The following RBM41 variants were observed in gnomAD, a reference collection of about 807,000 sequenced individuals.
RBM41 encodes the protein RNA binding motif protein 41.
Under a neutral mutation model 30.8 loss-of-function variants are expected in RBM41, and 14 were observed. The observed-to-expected ratio is 0.45, with a 90% confidence interval of 0.30 to 0.71. The LOEUF is 0.71. Among genes scored for constraint, RBM41 ranks in the 30% least tolerant of loss-of-function variants. The pLI is 0.08. For missense variants in RBM41, 276 were observed against 326.3 expected (o/e 0.85, Z 1.19); for synonymous variants, 120 against 110.1 (o/e 1.09, Z -0.56).
At chrX:107,054,002 C>T in the RBM41 span, among the ~76,000 whole-genome samples, 2 of 110,907 alleles carry the variant, frequency 1.8e-5, no homozygotes, top group African/African-American at 6.6e-5. Flanking sequence ...TCAATATTTC[C>T]AGGAAGCCGC....
chrX:107,065,397 G>A lies in RBM41; in HGVS notation c.*2130C>T, dbSNP rs138542296. On this transcript the variant is annotated 3_prime_UTR_variant, in exon 8 of 8. Coordinates refer to ENST00000685964, the MANE Select transcript of RBM41 (RefSeq NM_001324242.2). ...TGATTTTTTAAAAGTTATTTCCTCA[G>A]TGGTTGCTCTAGGGCTTACCATACA... 0.013 allele frequency: 1,787 copies of A among 132,379 alleles called. 16 individuals carry two copies. Among genetic ancestry groups the A allele is most frequent in the Non-Finnish European group, 0.019 (1,254 of 67,429 alleles). The allele number at this position is 132,379 out of a possible 1,213,427, so 10.9% of individuals were successfully genotyped here. A position where few individuals can be genotyped will look rare whatever the true frequency, so the allele number is the denominator to read the frequency against.
intron 5 of RBM41, among the ~76,000 whole-genome samples, chrX:107,106,424 C>A (rs1386082120): frequency 9.0e-6 from 1 of 111,380 alleles, no homozygotes; most frequent in African/African-American, 3.3e-5. Context: ...GTTGGTGGGA[C>A]TGTAAACTAG....
chrX:107,086,824 A>T (rs985821618), intron 6 of RBM41, among the ~76,000 whole-genome samples: 1 of 112,175 alleles, frequency 8.9e-6, no homozygotes, highest in African/African-American at 3.2e-5. Context: ...AATCTTCAGG[A>T]AAGTGGATAA....
At chrX:107,054,351 G>A in the RBM41 span, among the ~76,000 whole-genome samples, 1 of 111,416 alleles carries the variant, frequency 9.0e-6, no homozygotes, top group African/African-American at 3.3e-5. Flanking sequence ...ACTCAGGTAC[G>A]CCATGGGTTG....
chrX:107,069,082 T>A lies in RBM41; in HGVS notation c.1147+173A>T, dbSNP rs187867446. 2.7e-3 allele frequency among the ~76,000 whole-genome samples: 297 copies of A among 111,905 alleles called. 2 individuals carry two copies. Among genetic ancestry groups the A allele is most frequent in the African/African-American group, 9.2e-3 (284 of 30,803 alleles). On this transcript the variant is annotated intron_variant, in intron 7 of 7. Coordinates refer to ENST00000685964, the MANE Select transcript of RBM41 (RefSeq NM_001324242.2). The stretch of plus-strand genomic sequence containing the variant: ...ACACTGGGGTAGTGTGGCCATGCAC[T>A]GTCAATGGAGGAGAGGAAACAGAAA...
rs1384649442 is a variant in RBM41 at position 107,118,782 on chromosome X, A to G, written c.-9T>C. On this transcript the variant is annotated 5_prime_UTR_variant, in exon 1 of 8. Coordinates refer to ENST00000685964, the MANE Select transcript of RBM41 (RefSeq NM_001324242.2). ...AGTCCTTACCTCTTCATGTTTCCAC[A>G]GGCCCCTACCTCCAACTTGGGTAAA... 2 of 1,209,785 alleles carry G rather than the reference A, an allele frequency of 1.7e-6. No individual in the cohort carries two copies. Among genetic ancestry groups the G allele is most frequent in the Non-Finnish European group, 2.2e-6 (2 of 895,083 alleles).
chrX:107,076,316 C>T (rs866473891), intron 6 of RBM41, among the ~76,000 whole-genome samples: 2 of 92,766 alleles, frequency 2.2e-5, no homozygotes, highest in Non-Finnish European at 4.2e-5. Flanking sequence ...GACTCCGTCT[C>T]AAATAAATAA....
In RBM41 at chrX:107,088,324, G is replaced by C. The variant is rs954466536; in HGVS notation, c.999+112C>G. 3.0e-5 allele frequency: 22 copies of C among 722,989 alleles called. No individual in the cohort carries two copies. In the African/African-American group the frequency reaches 4.5e-4, roughly 15 times the overall value. The allele number at this position is 722,989 out of a possible 1,213,427, so 59.6% of individuals were successfully genotyped here. ...GGTCAAGGACAAACACAATCACTGT[G>C]CCTATATCATGATTCTTTGGTATAA... is the stretch of plus-strand genomic sequence containing the variant. On this transcript the variant is annotated intron_variant, in intron 6 of 7. Coordinates refer to ENST00000685964, the MANE Select transcript of RBM41 (RefSeq NM_001324242.2).
intron 1 of RBM41, among the ~76,000 whole-genome samples, 164 bp downstream of exon 1, chrX:107,118,602 C>G (rs1338973467): frequency 8.9e-6 from 1 of 111,990 alleles, no homozygotes; most frequent in Non-Finnish European, 1.9e-5. Context: ...CAGGCCTGTT[C>G]AGCCCGTCTC....
chrX:107,059,367 C>T (rs750992765), downstream of RBM41, among the ~76,000 whole-genome samples: 1 of 110,654 alleles, frequency 9.0e-6, no homozygotes, highest in South Asian at 3.9e-4. Context: ...GGAGGGAGAG[C>T]ATCAGGATAA....
downstream of RBM41, among the ~76,000 whole-genome samples, chrX:107,058,351 T>C (rs1380734607): frequency 1.8e-5 from 2 of 108,970 alleles, no homozygotes; most frequent in Non-Finnish European, 3.8e-5. Flanking sequence ...ACTTTGTCTA[T>C]TGTAATAATC....
At chrX:107,116,879 T>C in intron 1 of RBM41, 113 bp from the exon 2 acceptor site, 1 of 719,583 alleles carries the variant, frequency 1.4e-6, no homozygotes. Context: ...AAGACACTTC[T>C]CCAACAATTC....
chrX:107,066,970 C>T lies in RBM41; in HGVS notation c.*557G>A, dbSNP rs767875857. On this transcript the variant is annotated 3_prime_UTR_variant, in exon 8 of 8. Coordinates refer to ENST00000685964, the MANE Select transcript of RBM41 (RefSeq NM_001324242.2). Reference sequence around the variant, plus strand: ...TATATAGCTTTTTGAAGACTGATAACTTGTGGAGGAAGCATTCATTAAATA... The same window carrying T: ...TATATAGCTTTTTGAAGACTGATAATTTGTGGAGGAAGCATTCATTAAATA... The T allele has an allele frequency of 2.0e-5, 15 of 746,076 alleles. No individual in the cohort carries two copies. The highest frequency in any genetic ancestry group is 2.4e-5 in the Non-Finnish European group (15 of 633,935). 61.5% of individuals were successfully genotyped at this position (746,076 alleles called of 1,213,427 possible).
chrX:107,106,245 G>A (rs1923972422), intron 5 of RBM41, among the ~76,000 whole-genome samples: 1 of 112,354 alleles, frequency 8.9e-6, no homozygotes. Flanking sequence ...AGACATTTAT[G>A]CAGCCAAAAA....
In RBM41 at chrX:107,064,228, C is replaced by T. The variant is rs1347181497; in HGVS notation, c.*3299G>A. ...CCGGCCTCCCAAAGTGCTGGGATTA[C>T]AGGCGTAAGCCACTGTGCCTGGTCT... On this transcript the variant is annotated 3_prime_UTR_variant, in exon 8 of 8. Coordinates refer to ENST00000685964, the MANE Select transcript of RBM41 (RefSeq NM_001324242.2). Among the ~76,000 whole-genome samples, 2 of 111,269 alleles carry T rather than the reference C, an allele frequency of 1.8e-5. No homozygotes were observed. Among genetic ancestry groups the T allele is most frequent in the African/African-American group, 3.3e-5 (1 of 30,663 alleles).
intron 6 of RBM41, among the ~76,000 whole-genome samples, chrX:107,076,643 C>T (rs1936237873): frequency 9.0e-6 from 1 of 110,848 alleles, no homozygotes; most frequent in Non-Finnish European, 1.9e-5. Flanking sequence ...GTTTGCTGTA[C>T]AACATTGTGC....
At chrX:107,077,732 C>T (rs1569328893) in intron 6 of RBM41, among the ~76,000 whole-genome samples, 1 of 111,525 alleles carries the variant, frequency 9.0e-6, no homozygotes, top group African/African-American at 3.3e-5. Context: ...TATTATTTTA[C>T]ATGTTTTCAA....
intron 5 of RBM41, among the ~76,000 whole-genome samples, chrX:107,102,791 T>C (rs1269420128): frequency 6.3e-5 from 7 of 111,355 alleles, no homozygotes; most frequent in South Asian, 3.8e-4. Context: ...ATATTACTCA[T>C]AGGCCTTGAA....
intron 6 of RBM41, among the ~76,000 whole-genome samples, chrX:107,077,451 A>C (rs745369141): frequency 1.8e-5 from 2 of 110,804 alleles, no homozygotes; most frequent in South Asian, 7.8e-4. Flanking sequence ...TAATTTTTAA[A>C]AATAAAGAGG....
Sources: gnomAD v4.1 joint callset for allele counts (sites outside exome capture counted in the v4.1 genomes callset) on GRCh38, gnomAD v4.1.1 for gene constraint, MANE v1.5 for transcripts, NCBI Gene and HGNC (gene_info 2026-07-23, HGNC 2026-07-21) for gene names.